Variants in MIDEAS observed in about 807,000 individuals in gnomAD.
The protein encoded by MIDEAS is mitotic deacetylase associated SANT domain protein, also known as mitotic deacetylase-associated SANT domain protein.
MIDEAS carries 26 observed loss-of-function variants against 102.7 expected under a neutral mutation model. The ratio of observed to expected loss-of-function variants is 0.25; its 90% confidence interval spans 0.19 to 0.35. The LOEUF (loss-of-function observed/expected upper bound fraction) is 0.35, where lower values mean the gene tolerates loss of function less well. Among genes scored for constraint, MIDEAS ranks in the 10% least tolerant of loss-of-function variants. The probability of loss-of-function intolerance (pLI) is 1.00; values close to 1 mark genes in which losing one functional copy is unlikely to be tolerated. For synonymous variants in MIDEAS, 585 were observed against 591.0 expected (o/e 0.99, Z 0.15); for missense variants, 1,231 against 1,435.6 (o/e 0.86, Z 2.30).
At position 73,737,142 on chromosome 14, in the gene MIDEAS, A is replaced by T; in HGVS notation, c.1605T>A (p.Thr535=). The change falls in exon 3 of 13, where the codon ACT becomes ACA. Residue 535 remains threonine, a synonymous_variant. Coordinates refer to ENST00000423556, the MANE Select transcript of MIDEAS (RefSeq NM_001367710.1). ...CCTGGGCTGCCTCAGTTGGGTCCAC[A>T]GTTCGCACAGGCACAGACACTGGGA... The part of the protein sequence containing the change: ...LIIPVSVPVR[T]VDPTEAAQAG... 6.8e-6 allele frequency: 11 copies of T among 1,613,782 alleles called. No homozygotes were observed. Among genetic ancestry groups the T allele is most frequent in the Non-Finnish European group, 9.3e-6 (11 of 1,179,918 alleles).
At position 73,718,822 on chromosome 14, in the gene MIDEAS, G is replaced by A; in HGVS notation, c.*21C>T. The A allele has an allele frequency of 7.1e-7, 1 of 1,416,754 alleles. No individual in the cohort carries two copies. The highest frequency in any genetic ancestry group is 9.1e-7 in the Non-Finnish European group (1 of 1,094,708). 87.8% of individuals were successfully genotyped at this position (1,416,754 alleles called of 1,614,324 possible). ...GCGGGAAGGGCCGAGGCCCAGGACT[G>A]GGCCAGCCTGGCTCCCGCGCTCAGC... On this transcript the variant is annotated 3_prime_UTR_variant, in exon 13 of 13. Transcript: ENST00000423556.
At position 73,739,587 on chromosome 14, in the gene MIDEAS, A is replaced by T; in HGVS notation, c.422T>A (p.Leu141His). ...CGGGCTCCCCTTGGTTGCACTGTAGAGGGACAGACTGTGGCAGTTCCATGT... is the reference window on the plus strand; with the variant it reads ...CGGGCTCCCCTTGGTTGCACTGTAGTGGGACAGACTGTGGCAGTTCCATGT... ...HSTWNCHSLS[L>H]YSATKGSPHP... Residue 141 changes from leucine to histidine, a missense_variant, in exon 2 of 13, where the codon CTC (leucine) becomes CAC (histidine). Coordinates refer to ENST00000423556, the MANE Select transcript of MIDEAS (RefSeq NM_001367710.1). The T allele has an allele frequency of 6.2e-7, 1 of 1,614,052 alleles. No homozygotes were observed. The highest frequency in any genetic ancestry group is 8.5e-7 in the Non-Finnish European group (1 of 1,179,974).
At chr14:73,783,526 A>G (rs957771550) in intron 1 of MIDEAS, among the ~76,000 whole-genome samples, 15 of 152,188 alleles carry the variant, frequency 9.9e-5, no homozygotes, top group African/African-American at 3.4e-4. Flanking sequence ...GATCCTTACC[A>G]TGCAGACAGT....
rs115463503 is a variant in MIDEAS at position 73,758,996 on chromosome 14, G to A, written c.-248+767C>T. Among the ~76,000 whole-genome samples, 1,394 of 152,306 alleles carry A rather than the reference G, an allele frequency of 9.2e-3. 22 individuals carry two copies. Among genetic ancestry groups the A allele is most frequent in the African/African-American group, 0.032 (1,324 of 41,574 alleles). ...GGGCCCGGCCGAATCCCGGGTTTCG[G>A]CGCTGCCGCCAGGCACCAGGGAACA... On this transcript the variant is annotated intron_variant, in intron 1 of 12. Coordinates refer to ENST00000423556, the MANE Select transcript of MIDEAS (RefSeq NM_001367710.1).
At chr14:73,757,344 A>G (rs1340047896) in intron 1 of MIDEAS, among the ~76,000 whole-genome samples, 1 of 148,168 alleles carries the variant, frequency 6.7e-6, no homozygotes, top group Non-Finnish European at 1.5e-5. Context: ...CCATTCAAGC[A>G]GAGGCTACCA....
chr14:73,758,848 A>G (rs1035857999), intron 1 of MIDEAS: 1 of 154,462 alleles, frequency 6.5e-6, no homozygotes, highest in Admixed American at 6.5e-5. Context: ...CCCAGGGCAC[A>G]CGAAGTTCCC....
upstream of MIDEAS, among the ~76,000 whole-genome samples, chr14:73,762,152 C>G (rs1230735008): frequency 6.6e-6 from 1 of 152,236 alleles, no homozygotes; most frequent in East Asian, 1.9e-4. Context: ...AGCCCAGCCC[C>G]TGCAGTTGGC....
chr14:73,785,171 T>A (rs561726373), intron 1 of MIDEAS, among the ~76,000 whole-genome samples: 2 of 152,246 alleles, frequency 1.3e-5, no homozygotes, highest in African/African-American at 4.8e-5. Flanking sequence ...CAGGGAGTTA[T>A]CAGGTTGAGA....
chr14:73,739,058 C>T lies in MIDEAS; in HGVS notation c.951G>A (p.Met317Ile). Residue 317 changes from methionine (M) to isoleucine (I), a missense_variant, in exon 2 of 13, where the codon ATG (methionine) becomes ATA (isoleucine). Around this residue, in one of 5 missense-constraint regions of MIDEAS, gnomAD observed 758 missense variants for 856.0 expected, o/e 0.89. Coordinates refer to ENST00000423556, the MANE Select transcript of MIDEAS (RefSeq NM_001367710.1). ...APYPFPPNPD[M>I]NPELRKALLQ... The stretch of plus-strand genomic sequence containing the variant: ...GAAGGGCCTTGCGCAGTTCTGGGTT[C>T]ATATCTGGGTTGGGGGGGAAGGGGT... 1 of 1,566,978 alleles carries T rather than the reference C, an allele frequency of 6.4e-7. No homozygotes were observed. Among genetic ancestry groups the T allele is most frequent in the Non-Finnish European group, 8.7e-7 (1 of 1,153,470 alleles).
At chr14:73,727,390 G>A in intron 5 of MIDEAS, 68 bp downstream of exon 5, 1 of 1,542,572 alleles carries the variant, frequency 6.5e-7, no homozygotes, top group Non-Finnish European at 8.9e-7. Context: ...TGCTCCCAGG[G>A]CCCACCTGCA....
chr14:73,720,610 C>T (rs777180618), intron 11 of MIDEAS, among the ~76,000 whole-genome samples: 16 of 152,162 alleles, frequency 1.1e-4, no homozygotes, highest in Admixed American at 2.6e-4. Flanking sequence ...AAACCCCTTC[C>T]CCTCCTTACC....
rs966057521 is a variant in MIDEAS, at chr14:73,742,689, A to T, written c.-247-2434T>A. Among the ~76,000 whole-genome samples, 1 of 152,200 alleles carries T rather than the reference A, an allele frequency of 6.6e-6. No homozygotes were observed. Among genetic ancestry groups the T allele is most frequent in the Non-Finnish European group, 1.5e-5 (1 of 68,024 alleles). On this transcript the variant is annotated intron_variant, in intron 1 of 12. Transcript: ENST00000423556. This position sits in a 1 kb window ranked among gnomAD's most constrained non-coding sequence, Gnocchi z 4.4. ...TTTGGGGAAGGCTGAATCACCCCAG[A>T]AACTTCTTGCTGCAGAGGCCTCCCT...
chr14:73,737,643 C>G (rs2140120388), intron 2 of MIDEAS, among the ~76,000 whole-genome samples: 1 of 151,448 alleles, frequency 6.6e-6, no homozygotes, highest in African/African-American at 2.4e-5. Context: ...AATAAATAAA[C>G]AAATAAAAGA....
At chr14:73,758,208 T>C (rs2053509083) in intron 1 of MIDEAS, among the ~76,000 whole-genome samples, 1 of 152,220 alleles carries the variant, frequency 6.6e-6, no homozygotes, top group East Asian at 1.9e-4. Flanking sequence ...TCCAGAGCAG[T>C]TGGAAAAGGA....
At position 73,725,066 on chromosome 14, in the gene MIDEAS, T is replaced by G; in HGVS notation, c.2574+206A>C. On this transcript the variant is annotated intron_variant, in intron 9 of 12. Transcript: ENST00000423556. This position sits in a 1 kb window ranked among gnomAD's most constrained non-coding sequence, Gnocchi z 4.1. Reference sequence around the variant, plus strand: ...ACCCCAGAGCTTGGCCACCCTACCCTGAAGTGAGGAAAGGATGCTTAGAAC... The same window carrying G: ...ACCCCAGAGCTTGGCCACCCTACCCGGAAGTGAGGAAAGGATGCTTAGAAC... 2.0e-6 allele frequency: 1 copy of G among 489,788 alleles called. No homozygotes were observed. Among genetic ancestry groups the G allele is most frequent in the Admixed American group, 3.2e-5 (1 of 30,854 alleles). 30.3% of individuals were successfully genotyped at this position (489,788 alleles called of 1,614,324 possible).
Position 73,737,190 on chromosome 14 carries a change from G to C in MIDEAS, c.1557C>G (p.Asp519Glu). The change falls in exon 3 of 13, where the codon GAC (aspartate) becomes GAG (glutamate). Residue 519 changes from aspartate to glutamate, a missense_variant. By Grantham distance (45) the Asp-to-Glu change is conservative. Transcript: ENST00000423556. ...GGATGATGAGGGGTACCATCCCACT[G>C]TCTTCTCGTGCTCGCTTGGTGGCTA... ...PSLATKRARE[D>E]SGMVPLIIPV... The C allele has an allele frequency of 3.1e-6, 5 of 1,614,158 alleles. No individual in the cohort carries two copies. The highest frequency in any genetic ancestry group is 4.2e-6 in the Non-Finnish European group (5 of 1,180,040).
chr14:73,740,059 T>C lies in MIDEAS; in HGVS notation c.-51A>G. On this transcript the variant is annotated 5_prime_UTR_variant, in exon 2 of 13. The change abolishes an upstream ATG in the 5' untranslated region. Transcript: ENST00000423556. ...TGAGATCCCCTTCAACAGTCGCCCA[T>C]CCCCTGGGGAAACGTCCTGCTGGAA... The C allele has an allele frequency of 7.1e-7, 1 of 1,417,176 alleles. No individual in the cohort carries two copies. The highest frequency in any genetic ancestry group is 1.8e-5 in the South Asian group (1 of 55,148). The allele number at this position is 1,417,176 out of a possible 1,614,324, so 87.8% of individuals were successfully genotyped here.
chr14:73,719,651 C>T (rs543919401), intron 11 of MIDEAS, 150 bp from the exon 12 acceptor site: 2 of 705,040 alleles, frequency 2.8e-6, no homozygotes, highest in African/African-American at 1.8e-5. Context: ...AGGGATATGA[C>T]GACCATTGCC....
Position 73,778,461 on chromosome 14 carries a change from G to A in MIDEAS, c.-248+8641C>T, listed in dbSNP as rs184365748. Among the ~76,000 whole-genome samples the A allele has an allele frequency of 1.1e-3, 165 of 151,958 alleles. 3 individuals carry two copies. Among genetic ancestry groups the A allele is most frequent in the South Asian group, 3.6e-3 (17 of 4,782 alleles). Reference sequence around the variant, plus strand: ...GGAGAAGTCAGATCCTAAATGCCACGTGTCAGCACAGCCTCCTTGGAGAGA... The same window carrying A: ...GGAGAAGTCAGATCCTAAATGCCACATGTCAGCACAGCCTCCTTGGAGAGA... On this transcript the variant is annotated intron_variant, in intron 1 of 11. Coordinates refer to the MIDEAS transcript ENST00000394071.
Sources: gnomAD v4.1 joint callset for allele counts (sites outside exome capture counted in the v4.1 genomes callset) on GRCh38, gnomAD v4.1.1 for gene constraint, gnomAD v4.1.1 regional missense constraint, Gnocchi (gnomAD v3.1) non-coding constraint, MANE v1.5 for transcripts, NCBI Gene and HGNC (gene_info 2026-07-23, HGNC 2026-07-21) for gene names.